PEDS1: variants seen among roughly 807,000 people sequenced by gnomAD.
PEDS1 encodes the protein CarF homolog.
Under a neutral mutation model 35.2 loss-of-function variants are expected in PEDS1, and 14 were observed. The observed-to-expected ratio is 0.40, with a 90% CI of 0.26 to 0.62. The LOEUF (loss-of-function observed/expected upper bound fraction) is 0.62. Among genes scored for constraint, PEDS1 ranks in the 20% least tolerant of loss-of-function variants. The pLI is 0.44. For missense variants in PEDS1, 260 were observed against 367.8 expected (o/e 0.71, Z 2.40); for synonymous variants, 152 against 152.0 (o/e 1.00, Z 0.00).
chr20:50,127,504 A>G (rs932255435), intron 5 of PEDS1, among the ~76,000 whole-genome samples: 9 of 151,912 alleles, frequency 5.9e-5, no homozygotes, highest in African/African-American at 1.7e-4. Flanking sequence ...ACCAAGCCCA[A>G]TTAATTTTTT....
At position 50,123,874 on chromosome 20, in the gene PEDS1, G is replaced by A. The variant is rs1450149104; in HGVS notation, c.*1184C>T. The stretch of plus-strand genomic sequence containing the variant: ...CACCGCTGTACCTGTGTACAGGACA[G>A]AGCCTGGCACACACCAGGTGCCAGT... On this transcript the variant is annotated 3_prime_UTR_variant, in exon 6 of 6. Transcript: ENST00000371652. The A allele has an allele frequency of 6.6e-6, 1 of 152,270 alleles. No individual in the cohort carries two copies. Among genetic ancestry groups the A allele is most frequent in the Non-Finnish European group, 1.5e-5 (1 of 68,058 alleles). 9.4% of individuals were successfully genotyped at this position (152,270 alleles called of 1,614,324 possible).
intron 1 of PEDS1, among the ~76,000 whole-genome samples, chr20:50,146,173 C>T (rs1042112822): frequency 1.6e-4 from 25 of 152,252 alleles, no homozygotes; most frequent in Admixed American, 1.2e-3. Flanking sequence ...TGTGTCCACC[C>T]TCTCTTCTTT....
intron 2 of PEDS1, among the ~76,000 whole-genome samples, chr20:50,136,428 T>C (rs2081234826): frequency 6.6e-6 from 1 of 152,120 alleles, no homozygotes; most frequent in Non-Finnish European, 1.5e-5. Flanking sequence ...GAGCACAGTA[T>C]GAATGAGGAC....
rs112787064 is a variant in PEDS1, at chr20:50,150,495, A to G, written c.121+3022T>C. ...CCTCCCTCCAGTCCTTCCTCCCTTC[A>G]GGCCTCACTTCGAATGTCACCTGCT... On this transcript the variant is annotated intron_variant, in intron 1 of 5. Coordinates refer to ENST00000371652, the MANE Select transcript of PEDS1 (RefSeq NM_199129.4). 8.7e-3 allele frequency among the ~76,000 whole-genome samples: 1,326 copies of G among 152,052 alleles called. 28 individuals are homozygous for G. Among genetic ancestry groups the G allele is most frequent in the African/African-American group, 0.03 (1,248 of 41,454 alleles).
At chr20:50,145,268 T>C (rs2081334174) in intron 1 of PEDS1, among the ~76,000 whole-genome samples, 1 of 151,956 alleles carries the variant, frequency 6.6e-6, no homozygotes, top group Non-Finnish European at 1.5e-5. Context: ...AGTGGCTTAC[T>C]CCTGTAATCC....
chr20:50,144,912 A>T (rs1199402221), intron 1 of PEDS1, among the ~76,000 whole-genome samples: 3 of 152,212 alleles, frequency 2.0e-5, no homozygotes, highest in Non-Finnish European at 4.4e-5. Flanking sequence ...AAATAAAAAA[A>T]TAAAAGGGGG....
chr20:50,119,606 G>A lies in PEDS1; in HGVS notation c.*5452C>T, dbSNP rs1400423100. 1 of 152,180 alleles carries A rather than the reference G, an allele frequency of 6.6e-6. No individual in the cohort carries two copies. Among genetic ancestry groups the A allele is most frequent in the Non-Finnish European group, 1.5e-5 (1 of 68,046 alleles). The allele number at this position is 152,180 out of a possible 1,614,324, so 9.4% of individuals were successfully genotyped here. A position where few individuals can be genotyped will look rare whatever the true frequency, so the allele number is the denominator to read the frequency against. On this transcript the variant is annotated 3_prime_UTR_variant, in exon 6 of 6. Coordinates refer to ENST00000371652, the MANE Select transcript of PEDS1 (RefSeq NM_199129.4). ...GTGTGCATAATATCCTACATATTGT[G>A]TGAAAAGGAGTGGGGCAGACATACC...
chr20:50,151,310 A>C, intron 1 of PEDS1: 1 of 1,304,172 alleles, frequency 7.7e-7, no homozygotes, highest in Non-Finnish European at 1.0e-6. Flanking sequence ...CAGAGAGTGA[A>C]GGGCACTTGG....
rs1442948733 is a variant in PEDS1, at chr20:50,120,016, A to C, written c.*5042T>G. The C allele has an allele frequency of 6.6e-6, 1 of 152,250 alleles. No individual in the cohort carries two copies. The highest frequency in any genetic ancestry group is 6.6e-5 in the Admixed American group (1 of 15,240). The allele number at this position is 152,250 out of a possible 1,614,324, so 9.4% of individuals were successfully genotyped here. A position where few individuals can be genotyped will look rare whatever the true frequency, so the allele number is the denominator to read the frequency against. On this transcript the variant is annotated 3_prime_UTR_variant, in exon 6 of 6. Coordinates refer to ENST00000371652, the MANE Select transcript of PEDS1 (RefSeq NM_199129.4). ...CATGGTGGCTCACACCTGTAATCCC[A>C]GTGCTTCAGGAGGTTGAGGTGGGAG...
At chr20:50,130,305 T>C (rs1379851338) in intron 3 of PEDS1, among the ~76,000 whole-genome samples, 1 of 152,130 alleles carries the variant, frequency 6.6e-6, no homozygotes, top group Non-Finnish European at 1.5e-5. Flanking sequence ...TTCTCTTTTC[T>C]TGGGAGCTGG....
At chr20:50,143,039 G>T (rs1211494819) in intron 2 of PEDS1, among the ~76,000 whole-genome samples, 2 of 152,104 alleles carry the variant, frequency 1.3e-5, no homozygotes, top group African/African-American at 2.4e-5. Flanking sequence ...AGATGAGAGT[G>T]GGGGAGTGGC....
At chr20:50,140,711 T>C (rs1367513116) in intron 2 of PEDS1, among the ~76,000 whole-genome samples, 2 of 152,196 alleles carry the variant, frequency 1.3e-5, no homozygotes, top group Non-Finnish European at 2.9e-5. Context: ...TGTGTCTGTG[T>C]TTATTAACTC....
chr20:50,146,985 T>C (rs1388969559), intron 1 of PEDS1, among the ~76,000 whole-genome samples: 1 of 151,698 alleles, frequency 6.6e-6, no homozygotes, highest in African/African-American at 2.4e-5. Flanking sequence ...AAACCCCGAG[T>C]GGGTGGGGTG....
intron 1 of PEDS1, among the ~76,000 whole-genome samples, chr20:50,152,915 T>TG (rs11480426): frequency 0.096 from 14,198 of 147,960 alleles, 2,177 homozygotes; most frequent in African/African-American, 0.33. Context: ...GATGGGGTTT[T>TG]GGGGGAAGGG....
Position 50,143,629 on chromosome 20 carries a change from G to C in PEDS1, c.122-8C>G, listed in dbSNP as rs998600825. ...ACTCCTGGAGGCGCTTGCCTGCAGGGAGCAGAGGCGAGAGGTAAAGGCTGG... is the reference window on the plus strand; with the variant it reads ...ACTCCTGGAGGCGCTTGCCTGCAGGCAGCAGAGGCGAGAGGTAAAGGCTGG... On this transcript the variant is annotated splice_region_variant and splice_polypyrimidine_tract_variant and intron_variant, in intron 1 of 5. Coordinates refer to ENST00000371652, the MANE Select transcript of PEDS1 (RefSeq NM_199129.4). 1.2e-6 allele frequency: 2 copies of C among 1,614,022 alleles called. No individual in the cohort carries two copies. The highest frequency in any genetic ancestry group is 1.3e-5 in the African/African-American group (1 of 75,014).
rs2081078975 is a variant in PEDS1 at position 50,124,550 on chromosome 20, G to A, written c.*508C>T. On this transcript the variant is annotated 3_prime_UTR_variant, in exon 6 of 6. Transcript: ENST00000371652. ...CCCCTGCTGAGCTTCACCATCCTTG[G>A]GGGACAGGCTAGGCTGAAGGTGGTG... 6.4e-6 allele frequency: 1 copy of A among 155,366 alleles called. No homozygotes were observed. Among genetic ancestry groups the A allele is most frequent in the African/African-American group, 2.4e-5 (1 of 41,500 alleles). 9.6% of individuals were successfully genotyped at this position (155,366 alleles called of 1,614,324 possible). A position where few individuals can be genotyped will look rare whatever the true frequency, so the allele number is the denominator to read the frequency against.
At position 50,122,871 on chromosome 20, in the gene PEDS1, G is replaced by A. The variant is rs1349207328; in HGVS notation, c.*2187C>T. On this transcript the variant is annotated 3_prime_UTR_variant, in exon 6 of 6. Coordinates refer to ENST00000371652, the MANE Select transcript of PEDS1 (RefSeq NM_199129.4). ...AATTCCAGCACTTTGGAAGGCCAAG[G>A]CGGATCACTTGAGGCCAGGAGTTCA... 6.6e-6 allele frequency: 1 copy of A among 151,868 alleles called. No individual in the cohort carries two copies. The highest frequency in any genetic ancestry group is 1.5e-5 in the Non-Finnish European group (1 of 68,018). 9.4% of individuals were successfully genotyped at this position (151,868 alleles called of 1,614,324 possible).
intron 1 of PEDS1, among the ~76,000 whole-genome samples, chr20:50,146,473 G>A (rs927758876): frequency 8.5e-5 from 13 of 152,176 alleles, no homozygotes; most frequent in Admixed American, 6.5e-4. Context: ...CAATCCTAAC[G>A]GACAACTCCA....
intron 1 of PEDS1, among the ~76,000 whole-genome samples, chr20:50,150,821 G>A (rs1046204616): frequency 3.3e-5 from 5 of 152,140 alleles, no homozygotes; most frequent in East Asian, 1.9e-4. Context: ...TCAGCCTCCT[G>A]AGTAGGTGGG....
Sources: gnomAD v4.1 joint callset for allele counts (sites outside exome capture counted in the v4.1 genomes callset) on GRCh38, gnomAD v4.1.1 for gene constraint, MANE v1.5 for transcripts, NCBI Gene and HGNC (gene_info 2026-07-23, HGNC 2026-07-21) for gene names.